The following NFKB1 variants were observed in gnomAD, a reference collection of about 807,000 sequenced individuals.
The protein encoded by NFKB1 is nuclear factor NF-kappa-B p105 subunit.
Under a neutral mutation model 105.1 loss-of-function variants are expected in NFKB1, and 9 were observed. The ratio of observed to expected loss-of-function variants is 0.09; its 90% CI spans 0.05 to 0.15. The LOEUF is 0.15. Among genes scored for constraint, NFKB1 ranks in the 10% least tolerant of loss-of-function variants. The pLI, the probability that NFKB1 is intolerant of heterozygous loss-of-function variation, is 1.00. For synonymous variants in NFKB1, 440 were observed against 442.2 expected, an observed-to-expected ratio of 1.00 and a Z score of 0.06; for missense variants, 830 against 1,203.7, an observed-to-expected ratio of 0.69 and a Z score of 4.59.
intron 5 of NFKB1, among the ~76,000 whole-genome samples, chr4:102,545,863 T>C (rs1431392343): frequency 6.6e-6 from 1 of 152,170 alleles, no homozygotes; most frequent in African/African-American, 2.4e-5. Flanking sequence ...AGATATTCAA[T>C]GTATACCGTG....
intron 1 of NFKB1, among the ~76,000 whole-genome samples, chr4:102,517,175 T>C (rs1041119851): frequency 1.3e-5 from 2 of 152,224 alleles, no homozygotes; most frequent in African/African-American, 4.8e-5. Context: ...TGTGATATTC[T>C]GCCCATTGGT....
intron 5 of NFKB1, among the ~76,000 whole-genome samples, chr4:102,546,347 G>C (rs1461980394): frequency 2.0e-5 from 3 of 151,830 alleles, no homozygotes; most frequent in Admixed American, 2.0e-4. Context: ...GTTTTCTCAG[G>C]AGCTCTATGG....
chr4:102,554,870 A>T (rs1395466592), intron 5 of NFKB1, among the ~76,000 whole-genome samples: 1 of 152,200 alleles, frequency 6.6e-6, no homozygotes, highest in East Asian at 1.9e-4. Flanking sequence ...CTGTGTCTCA[A>T]GGTCGAATTC....
At position 102,579,023 on chromosome 4, in the gene NFKB1, C is replaced by T. The variant is rs571565278; in HGVS notation, c.714C>T (p.Asp238=). The T allele has an allele frequency of 1.5e-5, 25 of 1,613,872 alleles. No individual in the cohort carries two copies. Among genetic ancestry groups the T allele is most frequent in the South Asian group, 1.4e-4 (13 of 91,074 alleles). ...FTRRLEPVVS[D]AIYDSKAPNA... ...GGCGCCTGGAACCCGTGGTATCAGA[C>T]GCCATCTATGACAGTAGTGAGTACT... is the stretch of plus-strand genomic sequence containing the variant. The change falls in exon 8 of 24, where the codon GAC becomes GAT. Residue 238 remains aspartate (D), a synonymous_variant. Transcript: ENST00000226574.
chr4:102,589,162 G>C (rs564075284), intron 11 of NFKB1, among the ~76,000 whole-genome samples: 2 of 152,204 alleles, frequency 1.3e-5, no homozygotes, highest in South Asian at 4.2e-4. Flanking sequence ...GTGAAATACA[G>C]CCAATAAATA....
Position 102,612,566 on chromosome 4 carries a change from T to A in NFKB1, c.2552T>A (p.Leu851Gln), listed in dbSNP as rs1236934560. ...GGGATACTTAATAATGCCTTCCGGC[T>A]GAGTCCTGCTCCTTCCAAAACACTT... The part of the protein sequence containing the change: ...GLGILNNAFR[L>Q]SPAPSKTLMD... The change falls in exon 22 of 24, where the codon CTG becomes CAG. Residue 851 changes from leucine to glutamine, a missense_variant. Around this residue, in one of 8 missense-constraint regions of NFKB1, gnomAD observed 418 missense variants for 575.3 expected, o/e 0.73. Transcript: ENST00000226574. The A allele has an allele frequency of 6.2e-7, 1 of 1,613,852 alleles. No individual in the cohort carries two copies. Among genetic ancestry groups the A allele is most frequent in the African/African-American group, 1.3e-5 (1 of 74,946 alleles).
Position 102,567,101 on chromosome 4 carries a change from A to G in NFKB1, c.373A>G (p.Thr125Ala), listed in dbSNP as rs1482484326. The change falls in exon 6 of 24, where the codon ACT becomes GCT. Residue 125 changes from threonine (T) to alanine (A), a missense_variant. By Grantham distance (58) the Thr-to-Ala change is moderately conservative. Coordinates refer to ENST00000226574, the MANE Select transcript of NFKB1 (RefSeq NM_003998.4). ...AAAACACTGTGAGGATGGGATCTGCACTGTAACTGCTGGACCCAAGGACAT... is the reference window on the plus strand; with the variant it reads ...AAAACACTGTGAGGATGGGATCTGCGCTGTAACTGCTGGACCCAAGGACAT... ...VGKHCEDGIC[T>A]VTAGPKDMVV... 1.2e-6 allele frequency: 2 copies of G among 1,613,916 alleles called. No individual in the cohort carries two copies. Among genetic ancestry groups the G allele is most frequent in the African/African-American group, 1.3e-5 (1 of 75,028 alleles).
rs1739043117 is a variant in NFKB1, at chr4:102,501,807, A to AGTGGGGGCCCGGCAGGGGACGC, written c.-8+24_-8+45dup. The AGTGGGGGCCCGGCAGGGGACGC allele has an allele frequency of 1.3e-5, 2 of 152,368 alleles. No individual in the cohort carries two copies. The highest frequency in any genetic ancestry group is 2.1e-4 in the South Asian group (1 of 4,836). The allele number at this position is 152,368 out of a possible 1,614,324, so 9.4% of individuals were successfully genotyped here. On this transcript the variant is annotated intron_variant, in intron 1 of 23. Transcript: ENST00000226574. ...CACCCGGGTAAGCCAAACTCGGGCG[A>AGTGGGGGCCCGGCAGGGGACGC]GTGGGGGCCCGGCAGGGGACGCGTG... is the stretch of plus-strand genomic sequence containing the variant.
chr4:102,551,760 A>T (rs535434671), intron 5 of NFKB1, among the ~76,000 whole-genome samples: 1 of 152,328 alleles, frequency 6.6e-6, no homozygotes, highest in Admixed American at 6.5e-5. Context: ...ATTGTCCTGA[A>T]TACAGCCCTA....
intron 5 of NFKB1, among the ~76,000 whole-genome samples, chr4:102,543,910 T>C (rs998062187): frequency 1.3e-5 from 2 of 152,178 alleles, no homozygotes; most frequent in African/African-American, 4.8e-5. Flanking sequence ...AGGATTTCCA[T>C]TGAACCCCTA....
intron 5 of NFKB1, among the ~76,000 whole-genome samples, chr4:102,552,435 C>T (rs1359437859): frequency 1.3e-5 from 2 of 152,134 alleles, no homozygotes; most frequent in Non-Finnish European, 2.9e-5. Context: ...AATGTATTGC[C>T]TCAGGACAAA....
At chr4:102,547,832 G>T (rs1216655742) in intron 5 of NFKB1, among the ~76,000 whole-genome samples, 1 of 152,044 alleles carries the variant, frequency 6.6e-6, no homozygotes, top group Admixed American at 6.6e-5. Flanking sequence ...CCTTTCTTCT[G>T]TCTGGGGTTA....
chr4:102,588,865 C>G (rs1725941135), intron 11 of NFKB1, among the ~76,000 whole-genome samples: 1 of 152,168 alleles, frequency 6.6e-6, no homozygotes, highest in Admixed American at 6.5e-5. Context: ...GCTTCAGTTT[C>G]CTCTCCTGCA....
At position 102,584,996 on chromosome 4, in the gene NFKB1, C is replaced by T. The variant is rs4648040; in HGVS notation, c.1066+176C>T. 5.9e-5 allele frequency among the ~76,000 whole-genome samples: 9 copies of T among 152,138 alleles called. 1 individual carries two copies. The highest frequency in any genetic ancestry group is 5.9e-4 in the Admixed American group (9 of 15,276). On this transcript the variant is annotated intron_variant, in intron 11 of 23. Transcript: ENST00000226574. Reference sequence around the variant, plus strand: ...TCCTGGCCTCAAACAGTTCTCCTGCCCCAGCATCTCAAATAGCTGGGACTA... The same window carrying T: ...TCCTGGCCTCAAACAGTTCTCCTGCTCCAGCATCTCAAATAGCTGGGACTA...
chr4:102,612,514 G>T lies in NFKB1; in HGVS notation c.2500G>T (p.Ala834Ser), dbSNP rs1728517643. ...AATTCCTGATCCAGACAAAAACTGG[G>T]CTACTCTGGCGCAGAAATTAGGTCT... ...LEIPDPDKNW[A>S]TLAQKLGLGI... Residue 834 changes from alanine to serine, a missense_variant, in exon 22 of 24, where the codon GCT becomes TCT. Ala to Ser is a moderately conservative substitution (Grantham distance 99). Around this residue, in one of 8 missense-constraint regions of NFKB1, gnomAD observed 418 missense variants for 575.3 expected, o/e 0.73. Transcript: ENST00000226574. 1.9e-6 allele frequency: 3 copies of T among 1,614,004 alleles called. No individual in the cohort carries two copies. Among genetic ancestry groups the T allele is most frequent in the Admixed American group, 1.7e-5 (1 of 60,030 alleles).
chr4:102,515,346 G>A (rs942397259), intron 1 of NFKB1, among the ~76,000 whole-genome samples: 7 of 151,412 alleles, frequency 4.6e-5, no homozygotes, highest in South Asian at 4.2e-4. Context: ...TCCTGACCTC[G>A]TGATCCGCCC....
At position 102,566,944 on chromosome 4, in the gene NFKB1, G is replaced by C. The variant is rs745692095; in HGVS notation, c.259-43G>C. 8 of 1,605,290 alleles carry C rather than the reference G, an allele frequency of 5.0e-6. No homozygotes were observed. The South Asian group carries it at 8.8e-5, about 18-fold the overall frequency. On this transcript the variant is annotated intron_variant, in intron 5 of 23. Coordinates refer to ENST00000226574, the MANE Select transcript of NFKB1 (RefSeq NM_003998.4). ...TCATAAACATGTTTCCATGTTGCTG[G>C]AGAGTCAGATATGCTAACTTTTGGA...
intron 1 of NFKB1, among the ~76,000 whole-genome samples, chr4:102,520,227 C>T (rs1029688787): frequency 6.6e-6 from 1 of 152,162 alleles, no homozygotes. Flanking sequence ...GAATTGTCAG[C>T]GTACCCATAA....
At chr4:102,511,349 A>G (rs1417361276) in intron 1 of NFKB1, among the ~76,000 whole-genome samples, 1 of 152,260 alleles carries the variant, frequency 6.6e-6, no homozygotes, top group Non-Finnish European at 1.5e-5. Context: ...CCAGAAATTC[A>G]TGGAGCTTAA....
Sources: allele counts gnomAD v4.1 joint callset (sites outside exome capture counted in the v4.1 genomes callset), GRCh38; gene constraint gnomAD v4.1.1; regional missense constraint gnomAD v4.1.1; transcripts MANE v1.5; gene names NCBI Gene and HGNC (gene_info 2026-07-23, HGNC 2026-07-21).